Variants in GRM8 observed in about 807,000 individuals in gnomAD.
GRM8 encodes the protein metabotropic glutamate receptor 8.
A neutral mutation model predicts 87.2 loss-of-function variants in GRM8; 47 were observed. The observed-to-expected ratio is 0.54, with a 90% CI of 0.43 to 0.69. The LOEUF (loss-of-function observed/expected upper bound fraction) is 0.69. Among genes scored for constraint, GRM8 ranks in the 30% least tolerant of loss-of-function variants. GRM8 has a pLI of 0.00. For missense variants in GRM8, 1,019 were observed against 1,139.2 expected (o/e 0.89, Z 1.52); for synonymous variants, 396 against 404.5 (o/e 0.98, Z 0.25).
intron 3 of GRM8, among the ~76,000 whole-genome samples, chr7:127,052,686 G>C (rs78566780): frequency 1.3e-5 from 2 of 151,900 alleles, no homozygotes; most frequent in African/African-American, 4.8e-5. Flanking sequence ...TACTCTTTAG[G>C]CATCACCTCT....
At chr7:127,229,270 T>G (rs1028068728) in intron 2 of GRM8, 1 of 152,204 alleles carries the variant, frequency 6.6e-6, no homozygotes, top group African/African-American at 2.4e-5. Context: ...CGAGAGGATG[T>G]TGGCTCAGAG....
At chr7:126,751,963 G>A (rs1816470047) in intron 7 of GRM8, among the ~76,000 whole-genome samples, 1 of 152,120 alleles carries the variant, frequency 6.6e-6, no homozygotes, top group Admixed American at 6.6e-5. Context: ...TCCAACAAGA[G>A]CCTTGCTCAC....
chr7:127,241,001 T>C lies in GRM8; in HGVS notation c.510+1694A>G, dbSNP rs79944514. Among the ~76,000 whole-genome samples the C allele has an allele frequency of 2.0e-5, 3 of 152,354 alleles. No individual in the cohort carries two copies. In the East Asian group the frequency reaches 5.8e-4, roughly 29 times the overall value. On this transcript the variant is annotated intron_variant, in intron 2 of 10. Coordinates refer to ENST00000339582, the MANE Select transcript of GRM8 (RefSeq NM_000845.3). Reference sequence around the variant, plus strand: ...TGTTTTAATTGTGTCCTTCTCACTGTCAAGAGGCGCTTCTTAATGTCCTGC... The same window carrying C: ...TGTTTTAATTGTGTCCTTCTCACTGCCAAGAGGCGCTTCTTAATGTCCTGC...
At chr7:127,230,365 A>G (rs1797608583) in intron 2 of GRM8, among the ~76,000 whole-genome samples, 1 of 151,702 alleles carries the variant, frequency 6.6e-6, no homozygotes, top group African/African-American at 2.4e-5. Context: ...AGGTTTCCAC[A>G]TACTTCCACC....
At chr7:126,977,737 GA>G (rs1811153299) in intron 3 of GRM8, among the ~76,000 whole-genome samples, 1 of 152,160 alleles carries the variant, frequency 6.6e-6, no homozygotes, top group African/African-American at 2.4e-5. Context: ...CAGAATCATA[GA>G]ATTCTTTTCT....
intron 6 of GRM8, among the ~76,000 whole-genome samples, chr7:126,895,714 G>T (rs1801479125): frequency 6.6e-6 from 1 of 151,898 alleles, no homozygotes. Flanking sequence ...GTTGTCATAG[G>T]TCTACTCTTA....
chr7:126,597,849 C>T (rs1299583823), intron 8 of GRM8, among the ~76,000 whole-genome samples: 1 of 152,070 alleles, frequency 6.6e-6, no homozygotes, highest in East Asian at 1.9e-4. Flanking sequence ...TTGATACATG[C>T]ACACAATATG....
At chr7:126,467,562 C>T (rs1394119098) in intron 9 of GRM8, among the ~76,000 whole-genome samples, 1 of 151,782 alleles carries the variant, frequency 6.6e-6, no homozygotes, top group Non-Finnish European at 1.5e-5. Context: ...ATTGTTGCTT[C>T]CACTATTTTA....
chr7:126,612,028 T>C (rs560195881), intron 7 of GRM8, among the ~76,000 whole-genome samples: 3 of 152,324 alleles, frequency 2.0e-5, no homozygotes, highest in Admixed American at 6.5e-5. Context: ...CTGTCACTTA[T>C]TGATGTGGTG....
chr7:126,699,628 C>T (rs1239816296), intron 7 of GRM8, among the ~76,000 whole-genome samples: 1 of 152,144 alleles, frequency 6.6e-6, no homozygotes, highest in Non-Finnish European at 1.5e-5. Context: ...TATGTTTCTG[C>T]ATCTTTACTT....
chr7:127,145,849 C>A (rs1175320128), intron 2 of GRM8, among the ~76,000 whole-genome samples: 2 of 152,056 alleles, frequency 1.3e-5, no homozygotes, highest in East Asian at 1.9e-4. Flanking sequence ...AACATACTTA[C>A]AATAAAAGAT....
intron 3 of GRM8, among the ~76,000 whole-genome samples, chr7:127,015,176 G>GAGAAGA (rs778849282): frequency 4.4e-4 from 38 of 87,026 alleles, no homozygotes; most frequent in East Asian, 8.9e-4. Context: ...GAAGGAGAAG[G>GAGAAGA]AGAAGAAGAA....
intron 2 of GRM8, among the ~76,000 whole-genome samples, chr7:127,169,421 C>G (rs1402120937): frequency 2.0e-5 from 3 of 152,174 alleles, no homozygotes; most frequent in Admixed American, 6.5e-5. Flanking sequence ...GAAGCAGAGG[C>G]TGGTTGATGA....
chr7:126,979,421 A>T (rs1029183588), intron 3 of GRM8, among the ~76,000 whole-genome samples: 1 of 152,168 alleles, frequency 6.6e-6, no homozygotes, highest in African/African-American at 2.4e-5. Context: ...ACATAGAAGT[A>T]TTTTTTAGTA....
At chr7:126,558,090 A>G (rs1793337147) in intron 8 of GRM8, among the ~76,000 whole-genome samples, 1 of 152,210 alleles carries the variant, frequency 6.6e-6, no homozygotes, top group Non-Finnish European at 1.5e-5. Flanking sequence ...ATTCACTGTC[A>G]TAAAGCAACT....
intron 2 of GRM8, among the ~76,000 whole-genome samples, chr7:127,153,744 C>T (rs922209203): frequency 1.3e-5 from 2 of 152,080 alleles, no homozygotes; most frequent in African/African-American, 2.4e-5. Context: ...GCTCCTGGCA[C>T]AAGGTAGATG....
intron 2 of GRM8, among the ~76,000 whole-genome samples, chr7:127,223,486 C>CAA (rs1452043243): frequency 2.1e-5 from 3 of 143,770 alleles, no homozygotes; most frequent in Admixed American, 7.0e-5. Context: ...CACACACACA[C>CAA]AAAACTGTGG....
At chr7:126,492,733 G>C (rs1308247368) in intron 9 of GRM8, among the ~76,000 whole-genome samples, 1 of 152,022 alleles carries the variant, frequency 6.6e-6, no homozygotes, top group Non-Finnish European at 1.5e-5. Flanking sequence ...AACAGATAAA[G>C]ATGTAAATAG....
At chr7:127,069,870 G>A (rs920186879) in intron 3 of GRM8, among the ~76,000 whole-genome samples, 1 of 152,046 alleles carries the variant, frequency 6.6e-6, no homozygotes, top group African/African-American at 2.4e-5. Flanking sequence ...CAACTGGCAG[G>A]GATTTTCTGA....
Sources: allele counts gnomAD v4.1 joint callset (sites outside exome capture counted in the v4.1 genomes callset), GRCh38; gene constraint gnomAD v4.1.1; transcripts MANE v1.5; gene names NCBI Gene and HGNC (gene_info 2026-07-23, HGNC 2026-07-21).